KLHL29: variants seen among roughly 807,000 people sequenced by gnomAD.
KLHL29 encodes the protein kelch like family member 29.
In KLHL29, 21 loss-of-function variants were observed where a neutral mutation model predicts 80.4. That is an observed-to-expected ratio of 0.26 (90% CI 0.19 to 0.38). KLHL29 has a LOEUF of 0.38. Among genes scored for constraint, KLHL29 ranks in the 10% least tolerant of loss-of-function variants. KLHL29 has a pLI of 1.00. For missense variants in KLHL29, 867 were observed against 1,223.9 expected (o/e 0.71, Z 4.35); for synonymous variants, 511 against 526.8 (o/e 0.97, Z 0.41).
Position 23,696,271 on chromosome 2 carries a change from C to T in KLHL29, c.1925-62C>T, listed in dbSNP as rs1169416235. 3.1e-5 allele frequency: 47 copies of T among 1,508,924 alleles called. No homozygotes were observed. The highest frequency in any genetic ancestry group is 4.0e-5 in the Non-Finnish European group (45 of 1,111,906). 93.5% of individuals were successfully genotyped at this position (1,508,924 alleles called of 1,614,324 possible). On this transcript the variant is annotated intron_variant, in intron 10 of 13. Transcript: ENST00000486442. The surrounding 1 kb of genome is among the most constrained non-coding windows in gnomAD (Gnocchi z 5.5). ...GCCTTCCTCTGCCCCTGGGGCTGGG[C>T]CTGCTGACCCCAGGCCCCTCCTCAC...
intron 4 of KLHL29, among the ~76,000 whole-genome samples, chr2:23,640,124 C>G (rs942415112): frequency 6.6e-6 from 1 of 152,164 alleles, no homozygotes; most frequent in Non-Finnish European, 1.5e-5. Context: ...CATGTCCTCA[C>G]AGTTGGGCTT....
At chr2:23,543,566 A>G (rs1666902046) in intron 2 of KLHL29, among the ~76,000 whole-genome samples, 1 of 152,140 alleles carries the variant, frequency 6.6e-6, no homozygotes, top group Non-Finnish European at 1.5e-5. Flanking sequence ...GAAGTTACTG[A>G]TTTCCGTGTT....
chr2:23,704,137 CTCAG>C (rs1355498547), intron 13 of KLHL29, among the ~76,000 whole-genome samples: 1 of 152,228 alleles, frequency 6.6e-6, no homozygotes, highest in Non-Finnish European at 1.5e-5. Flanking sequence ...CTACCCTGCT[CTCAG>C]TGAGAGGTGA....
At chr2:23,527,118 C>G (rs953374234) in intron 2 of KLHL29, among the ~76,000 whole-genome samples, 2 of 152,124 alleles carry the variant, frequency 1.3e-5, no homozygotes, top group Non-Finnish European at 2.9e-5. Flanking sequence ...CCATGTTGGC[C>G]CATTCTGAAA....
At chr2:23,504,751 G>A (rs1445785474) in intron 2 of KLHL29, among the ~76,000 whole-genome samples, 6 of 152,338 alleles carry the variant, frequency 3.9e-5, no homozygotes, top group South Asian at 4.1e-4. Context: ...GGCTGTCCTC[G>A]AGCCAGCATG....
At chr2:23,442,284 G>T (rs1302576143) in intron 1 of KLHL29, among the ~76,000 whole-genome samples, 2 of 151,910 alleles carry the variant, frequency 1.3e-5, no homozygotes, top group Non-Finnish European at 2.9e-5. Flanking sequence ...GTAGATATGG[G>T]GTCTCCCTGT....
intron 1 of KLHL29, among the ~76,000 whole-genome samples, chr2:23,415,983 C>G (rs1358695900): frequency 6.6e-6 from 1 of 152,030 alleles, no homozygotes; most frequent in Middle Eastern, 3.2e-3. Context: ...ATTGGTGACA[C>G]TATTGGGTTG....
At chr2:23,437,877 T>C (rs1663390428) in intron 1 of KLHL29, among the ~76,000 whole-genome samples, 1 of 152,232 alleles carries the variant, frequency 6.6e-6, no homozygotes, top group South Asian at 2.1e-4. Flanking sequence ...GGGGATGGCA[T>C]TGAATCTATA....
chr2:23,630,238 G>A (rs1021824365), intron 3 of KLHL29, among the ~76,000 whole-genome samples: 32 of 152,224 alleles, frequency 2.1e-4, no homozygotes, highest in Non-Finnish European at 4.4e-4. Flanking sequence ...CACAGTATGA[G>A]AAGGAGAGGC....
intron 3 of KLHL29, among the ~76,000 whole-genome samples, chr2:23,595,413 T>A (rs1331502891): frequency 2.6e-5 from 4 of 152,156 alleles, no homozygotes; most frequent in Admixed American, 2.6e-4. Flanking sequence ...AAGTGACAGG[T>A]TCAAATGCTG....
chr2:23,441,029 C>G (rs1317669870), intron 1 of KLHL29, among the ~76,000 whole-genome samples: 2 of 152,106 alleles, frequency 1.3e-5, no homozygotes, highest in African/African-American at 2.4e-5. Context: ...CACATGCACA[C>G]GTATGTTTAT....
chr2:23,531,146 C>G (rs867420019), intron 2 of KLHL29, among the ~76,000 whole-genome samples: 9 of 152,350 alleles, frequency 5.9e-5, no homozygotes, highest in Middle Eastern at 6.8e-3. Context: ...GGCTGAGAAG[C>G]CTGTCTCCTC....
chr2:23,413,913 G>A (rs964410818), intron 1 of KLHL29, among the ~76,000 whole-genome samples: 20 of 152,144 alleles, frequency 1.3e-4, no homozygotes, highest in Admixed American at 5.2e-4. Context: ...AGAGTGACCC[G>A]GGGTTGTCTT....
intron 13 of KLHL29, 95 bp downstream of exon 13, chr2:23,703,958 C>A: frequency 7.4e-7 from 1 of 1,360,178 alleles, no homozygotes. Context: ...GTGACCATAG[C>A]AATTCCCAGG....
chr2:23,666,008 G>T (rs1670543014), intron 5 of KLHL29, among the ~76,000 whole-genome samples: 2 of 152,204 alleles, frequency 1.3e-5, no homozygotes, highest in African/African-American at 4.8e-5. Flanking sequence ...GAGTACCTTG[G>T]TGGGACAGGC....
chr2:23,540,800 C>G (rs967379511), intron 2 of KLHL29, among the ~76,000 whole-genome samples: 4 of 152,338 alleles, frequency 2.6e-5, no homozygotes, highest in African/African-American at 9.6e-5. Context: ...TCCTACAGAC[C>G]GTCCCCTCCC....
At position 23,696,207 on chromosome 2, in the gene KLHL29, G is replaced by A. The variant is rs1671943842; in HGVS notation, c.1924+74G>A. The A allele has an allele frequency of 3.3e-6, 5 of 1,497,908 alleles. No homozygotes were observed. The highest frequency in any genetic ancestry group is 4.5e-6 in the Non-Finnish European group (5 of 1,108,500). The allele number at this position is 1,497,908 out of a possible 1,614,324, so 92.8% of individuals were successfully genotyped here. On this transcript the variant is annotated intron_variant, in intron 10 of 13. Coordinates refer to ENST00000486442, the MANE Select transcript of KLHL29 (RefSeq NM_052920.2). This position sits in a 1 kb window ranked among gnomAD's most constrained non-coding sequence, Gnocchi z 5.5. Reference sequence around the variant, plus strand: ...GGACTGCTCCCCACGTCAGGGCTGAGGAAGGCCATGGCCCAGAAGTGTCTA... The same window carrying A: ...GGACTGCTCCCCACGTCAGGGCTGAAGAAGGCCATGGCCCAGAAGTGTCTA...
intron 2 of KLHL29, among the ~76,000 whole-genome samples, chr2:23,535,697 C>G (rs1666640174): frequency 6.6e-6 from 1 of 152,062 alleles, no homozygotes; most frequent in African/African-American, 2.4e-5. Flanking sequence ...ATACGAGGTA[C>G]CTAGAGCAAA....
At chr2:23,438,794 G>A (rs1261934757) in intron 1 of KLHL29, among the ~76,000 whole-genome samples, 2 of 152,122 alleles carry the variant, frequency 1.3e-5, no homozygotes, top group Non-Finnish European at 2.9e-5. Flanking sequence ...GTCTTTGCCA[G>A]GCTTTGGTAT....
Sources: allele counts gnomAD v4.1 joint callset (sites outside exome capture counted in the v4.1 genomes callset), GRCh38; gene constraint gnomAD v4.1.1; non-coding constraint Gnocchi (gnomAD v3.1); transcripts MANE v1.5; gene names NCBI Gene and HGNC (gene_info 2026-07-23, HGNC 2026-07-21).